Variants in NTRK3 observed in about 807,000 individuals in gnomAD.
The protein encoded by NTRK3 is neurotrophic receptor tyrosine kinase 3.
In NTRK3, 24 loss-of-function variants were observed where a neutral mutation model predicts 91.7. The observed-to-expected ratio is 0.26, with a 90% CI of 0.19 to 0.37. NTRK3 has a LOEUF of 0.37. Ranked by LOEUF, NTRK3 falls within the 10% of genes least tolerant of loss-of-function variation. The probability of loss-of-function intolerance (pLI) is 1.00; values close to 1 mark genes in which losing one functional copy is unlikely to be tolerated. For missense variants in NTRK3, 880 were observed against 1,068.9 expected, an observed-to-expected ratio of 0.82 and a Z score of 2.46; for synonymous variants, 483 against 404.0, an observed-to-expected ratio of 1.20 and a Z score of -2.34.
intron 6 of NTRK3, chr15:88,143,928 G>A (rs1039876215): frequency 6.6e-6 from 1 of 152,202 alleles, no homozygotes; most frequent in African/African-American, 2.4e-5. Flanking sequence ...CTCCATGCAT[G>A]CAGGGTATTC....
At chr15:88,063,062 C>T (rs1389886047) in intron 13 of NTRK3, among the ~76,000 whole-genome samples, 1 of 152,234 alleles carries the variant, frequency 6.6e-6, no homozygotes, top group Non-Finnish European at 1.5e-5. Context: ...TGCTGTGGTT[C>T]AACACTGGGC....
Position 88,129,899 on chromosome 15 carries a change from T to A in NTRK3, c.1205-1165A>T, listed in dbSNP as rs1157190164. On this transcript the variant is annotated intron_variant, in intron 10 of 18. Coordinates refer to ENST00000394480, the Ensembl canonical transcript of NTRK3. ...GGAGAAAAGGTCTTTAAAGATGTAT[T>A]AAAGTTAAAATAAGGCCATTAGGGT... Among the ~76,000 whole-genome samples, 3 of 152,162 alleles carry A rather than the reference T, an allele frequency of 2.0e-5. No homozygotes were observed. The East Asian group carries it at 5.8e-4, about 29-fold the overall frequency.
At chr15:88,055,185 C>T (rs55633849) in intron 13 of NTRK3, among the ~76,000 whole-genome samples, 2,860 of 152,260 alleles carry the variant, frequency 0.019, 40 homozygotes, top group Middle Eastern at 0.061. Flanking sequence ...CAGAGGAACT[C>T]GAAGCTCTTT....
At chr15:87,866,944 G>A (rs1051554638) in exon 19 of NTRK3, 27 of 214,694 alleles carry the variant, frequency 1.3e-4, no homozygotes, top group African/African-American at 5.4e-4. Flanking sequence ...CACTCTCATA[G>A]GGGCCTAGAA....
intron 17 of NTRK3, among the ~76,000 whole-genome samples, chr15:87,909,740 C>T (rs537908171): frequency 2.0e-5 from 3 of 152,184 alleles, no homozygotes; most frequent in Non-Finnish European, 4.4e-5. Flanking sequence ...TCAATGGGGT[C>T]TGTAGGGTGG....
rs550777962 is a variant in NTRK3, at chr15:87,948,520, T to G, written c.1586-7767A>C. Among the ~76,000 whole-genome samples the G allele has an allele frequency of 7.9e-5, 12 of 152,244 alleles. No individual in the cohort carries two copies. In the South Asian group the frequency reaches 1.7e-3, roughly 21 times the overall value. On this transcript the variant is annotated intron_variant, in intron 14 of 18. Coordinates refer to ENST00000394480, the Ensembl canonical transcript of NTRK3. ...CTGGCCAACATGGCGAAACCCCATC[T>G]CTGCTAAAAATACAAAAATTATCCG...
chr15:88,054,339 T>G (rs2045498254), intron 13 of NTRK3, among the ~76,000 whole-genome samples: 1 of 152,208 alleles, frequency 6.6e-6, no homozygotes, highest in Non-Finnish European at 1.5e-5. Flanking sequence ...AATTCTGATC[T>G]AAGTGTCCTC....
At chr15:88,061,975 A>T (rs1043470238) in intron 13 of NTRK3, among the ~76,000 whole-genome samples, 1 of 152,224 alleles carries the variant, frequency 6.6e-6, no homozygotes, top group African/African-American at 2.4e-5. Flanking sequence ...CCAACCGCAG[A>T]TCAAAAATAT....
chr15:88,102,083 C>A (rs1004172496), intron 13 of NTRK3, among the ~76,000 whole-genome samples: 1 of 152,000 alleles, frequency 6.6e-6, no homozygotes, highest in Non-Finnish European at 1.5e-5. Context: ...TATCCCCAAC[C>A]ACCAGAACCA....
intron 3 of NTRK3, among the ~76,000 whole-genome samples, chr15:88,208,524 C>T (rs1416663195): frequency 4.0e-4 from 61 of 151,980 alleles, no homozygotes; most frequent in Non-Finnish European, 1.5e-4. Flanking sequence ...CAGAATGAGG[C>T]GGGGTCTGAG....
chr15:88,176,466 T>C (rs1477557846), intron 5 of NTRK3, among the ~76,000 whole-genome samples: 4 of 152,162 alleles, frequency 2.6e-5, no homozygotes, highest in African/African-American at 7.2e-5. Context: ...AGGGCTGCAA[T>C]AGTTTCTACC....
At chr15:88,022,499 G>A (rs1355679430) in intron 14 of NTRK3, among the ~76,000 whole-genome samples, 1 of 152,062 alleles carries the variant, frequency 6.6e-6, no homozygotes, top group African/African-American at 2.4e-5. Context: ...CTTATCTCTG[G>A]GAAATCTTGA....
rs2052594200 is a variant in NTRK3, at chr15:88,243,875, G to C, written c.248+12031C>G. The stretch of plus-strand genomic sequence containing the variant: ...GACTTCGTACTGTGGGCCCCAGCAA[G>C]AAACATCCCTAATAGCCATCATCAC... On this transcript the variant is annotated intron_variant, in intron 3 of 18. Transcript: ENST00000394480. This position sits in a 1 kb window ranked among gnomAD's most constrained non-coding sequence, Gnocchi z 4.8. 6.6e-6 allele frequency among the ~76,000 whole-genome samples: 1 copy of C among 152,124 alleles called. No individual in the cohort carries two copies. Among genetic ancestry groups the C allele is most frequent in the Admixed American group, 6.5e-5 (1 of 15,274 alleles).
chr15:88,234,223 C>T lies in NTRK3; in HGVS notation c.248+21683G>A, dbSNP rs571603052. Among the ~76,000 whole-genome samples, 4 of 152,232 alleles carry T rather than the reference C, an allele frequency of 2.6e-5. No homozygotes were observed. The highest frequency in any genetic ancestry group is 3.9e-4 in the East Asian group (2 of 5,178). The stretch of plus-strand genomic sequence containing the variant: ...TCCAAGGTTGTCTCTCATCGCCCCC[C>T]GCTCGACCTTCAAAAAGCTCCCATA... On this transcript the variant is annotated intron_variant, in intron 3 of 18. Coordinates refer to ENST00000394480, the Ensembl canonical transcript of NTRK3. The surrounding 1 kb of genome is among the most constrained non-coding windows in gnomAD (Gnocchi z 6.1).
At chr15:87,969,518 C>CT (rs1177262181) in intron 14 of NTRK3, among the ~76,000 whole-genome samples, 1 of 152,206 alleles carries the variant, frequency 6.6e-6, no homozygotes, top group Admixed American at 6.5e-5. Flanking sequence ...AAGGCTGGGG[C>CT]AGCTAAATAA....
chr15:88,110,376 G>A (rs374732158), intron 13 of NTRK3, among the ~76,000 whole-genome samples: 116 of 152,294 alleles, frequency 7.6e-4, no homozygotes, highest in African/African-American at 2.7e-3. Context: ...GGATGGAGGA[G>A]AACATTCTCC....
chr15:87,930,918 A>G (rs769375842), intron 16 of NTRK3, among the ~76,000 whole-genome samples: 9 of 152,134 alleles, frequency 5.9e-5, no homozygotes, highest in Non-Finnish European at 1.3e-4. Context: ...CCATAGAGAC[A>G]CAGAGGTCTT....
chr15:88,082,886 C>T (rs2048182285), intron 13 of NTRK3, among the ~76,000 whole-genome samples: 1 of 152,170 alleles, frequency 6.6e-6, no homozygotes, highest in Non-Finnish European at 1.5e-5. Context: ...ACTTCTCTTG[C>T]CCAAAAGGCT....
intron 14 of NTRK3, among the ~76,000 whole-genome samples, chr15:88,007,504 A>G (rs1446936066): frequency 6.6e-6 from 1 of 152,106 alleles, no homozygotes; most frequent in Non-Finnish European, 1.5e-5. Context: ...CACTAGAAAA[A>G]CGATCTGAAA....
Sources: gnomAD v4.1 joint callset for allele counts (sites outside exome capture counted in the v4.1 genomes callset) on GRCh38, gnomAD v4.1.1 for gene constraint, Gnocchi (gnomAD v3.1) non-coding constraint, MANE v1.5 for transcripts, NCBI Gene and HGNC (gene_info 2026-07-23, HGNC 2026-07-21) for gene names.